Variants in DSCAM observed in about 807,000 individuals in gnomAD.
DSCAM encodes the protein cell adhesion molecule DSCAM.
In DSCAM, 47 loss-of-function variants were observed where a neutral mutation model predicts 217.7. The ratio of observed to expected loss-of-function variants is 0.22; its 90% CI spans 0.17 to 0.28. DSCAM has a LOEUF of 0.28. DSCAM is among the 10% of genes least tolerant of loss of function. DSCAM has a pLI of 1.00. For missense variants in DSCAM, 2,080 were observed against 2,618.3 expected (o/e 0.79, Z 4.49); for synonymous variants, 1,056 against 1,015.3 (o/e 1.04, Z -0.76).
chr21:40,446,473 T>A (rs947198120), intron 3 of DSCAM, among the ~76,000 whole-genome samples: 3 of 152,224 alleles, frequency 2.0e-5, no homozygotes, highest in African/African-American at 7.2e-5. Context: ...CCCCACTCAG[T>A]ATCCTTCCAG....
chr21:40,742,554 T>A (rs1354871592), intron 1 of DSCAM, among the ~76,000 whole-genome samples: 1 of 152,228 alleles, frequency 6.6e-6, no homozygotes, highest in Non-Finnish European at 1.5e-5. Flanking sequence ...AATAAATGTA[T>A]GTTGTTTTAA....
chr21:40,078,767 T>C lies in DSCAM; in HGVS notation c.4631A>G (p.Tyr1544Cys), dbSNP rs2089408220. Reference protein sequence around the residue: ...ILYDLQEATWYELQMRVCNSA... With the variant: ...ILYDLQEATWCELQMRVCNSA... ...GTTGCACACCCGCATCTGCAGCTCA[T>C]ACCAGGTGGCTTCCTGCAGGTCATA... Residue 1544 changes from tyrosine to cysteine, a missense_variant, in exon 26 of 33, where the codon TAT becomes TGT. Around this residue, in one of 5 missense-constraint regions of DSCAM, gnomAD observed 1,144 missense variants for 1,421.1 expected, o/e 0.81. Transcript: ENST00000400454. 6.2e-7 allele frequency: 1 copy of C among 1,614,218 alleles called. No individual in the cohort carries two copies. The highest frequency in any genetic ancestry group is 1.1e-5 in the South Asian group (1 of 91,088).
At chr21:40,588,840 G>T (rs989302406) in intron 3 of DSCAM, among the ~76,000 whole-genome samples, 1 of 152,024 alleles carries the variant, frequency 6.6e-6, no homozygotes, top group South Asian at 2.1e-4. Flanking sequence ...GTTGACAGAG[G>T]AAGAAAAAGA....
intron 10 of DSCAM, among the ~76,000 whole-genome samples, chr21:40,285,858 A>G (rs775840582): frequency 2.6e-5 from 4 of 152,180 alleles, no homozygotes; most frequent in African/African-American, 4.8e-5. Flanking sequence ...TTTGCATCTT[A>G]TCACCTAATT....
chr21:40,250,873 G>T (rs1241604107), intron 11 of DSCAM, among the ~76,000 whole-genome samples: 7 of 152,360 alleles, frequency 4.6e-5, no homozygotes, highest in African/African-American at 1.7e-4. Context: ...GCTGGGCTGG[G>T]TGCACATGTT....
At chr21:40,737,272 A>G (rs1440861238) in intron 1 of DSCAM, among the ~76,000 whole-genome samples, 1 of 152,224 alleles carries the variant, frequency 6.6e-6, no homozygotes, top group Non-Finnish European at 1.5e-5. Context: ...ATATATATAA[A>G]AAATAGAGAC....
intron 20 of DSCAM, 86 bp from the exon 21 acceptor site, chr21:40,093,960 A>AAAT: frequency 7.2e-7 from 1 of 1,395,218 alleles, no homozygotes; most frequent in Non-Finnish European, 9.7e-7. Flanking sequence ...TGAACATATT[A>AAAT]AATATCATAA....
At chr21:40,575,215 C>CA (rs2076839819) in intron 3 of DSCAM, among the ~76,000 whole-genome samples, 2 of 151,324 alleles carry the variant, frequency 1.3e-5, no homozygotes, top group African/African-American at 4.8e-5. Context: ...CTGTGACCCC[C>CA]ACTCCGGCCC....
chr21:40,243,357 A>G (rs371423734), intron 11 of DSCAM, among the ~76,000 whole-genome samples: 43 of 152,216 alleles, frequency 2.8e-4, no homozygotes, highest in African/African-American at 1.0e-3. Context: ...GCTTTGGTAA[A>G]AAAGCACAGA....
At chr21:40,547,811 C>T (rs954794349) in intron 3 of DSCAM, among the ~76,000 whole-genome samples, 4 of 152,164 alleles carry the variant, frequency 2.6e-5, no homozygotes, top group African/African-American at 9.7e-5. Flanking sequence ...AAACTCAGAA[C>T]GTCTCTGCCA....
intron 1 of DSCAM, among the ~76,000 whole-genome samples, chr21:40,780,153 G>A (rs1359106642): frequency 6.6e-6 from 1 of 152,122 alleles, no homozygotes; most frequent in Non-Finnish European, 1.5e-5. Context: ...CACACTGCTT[G>A]TAAATAGCAG....
chr21:40,494,194 C>T (rs1568851177), intron 3 of DSCAM, among the ~76,000 whole-genome samples: 1 of 152,126 alleles, frequency 6.6e-6, no homozygotes, highest in Non-Finnish European at 1.5e-5. Flanking sequence ...AAGTCCTTAC[C>T]TATTTACAAT....
intron 3 of DSCAM, among the ~76,000 whole-genome samples, chr21:40,370,518 T>A (rs961246985): frequency 1.6e-4 from 25 of 152,226 alleles, no homozygotes; most frequent in African/African-American, 6.0e-4. Flanking sequence ...GCTTCATTGC[T>A]TTTGAGCTTT....
At chr21:40,266,024 G>A (rs1247062798) in intron 11 of DSCAM, among the ~76,000 whole-genome samples, 1 of 152,102 alleles carries the variant, frequency 6.6e-6, no homozygotes, top group African/African-American at 2.4e-5. Context: ...TAATGAAAAA[G>A]CTTCTGCACA....
chr21:40,418,731 T>C (rs1374779902), intron 3 of DSCAM, among the ~76,000 whole-genome samples: 1 of 152,048 alleles, frequency 6.6e-6, no homozygotes, highest in Non-Finnish European at 1.5e-5. Context: ...GTGAATAAAC[T>C]GGATAGATAT....
chr21:40,162,767 A>G (rs1430219545), intron 16 of DSCAM, among the ~76,000 whole-genome samples: 1 of 152,192 alleles, frequency 6.6e-6, no homozygotes, highest in Non-Finnish European at 1.5e-5. Context: ...TTTCACGCAG[A>G]TAGTACAATA....
intron 12 of DSCAM, among the ~76,000 whole-genome samples, chr21:40,188,714 G>A (rs2090922096): frequency 6.6e-6 from 1 of 151,158 alleles, no homozygotes; most frequent in Non-Finnish European, 1.5e-5. Context: ...TTTGCAGGAA[G>A]TTAAAACATG....
chr21:40,720,437 T>G (rs898171513), intron 1 of DSCAM, among the ~76,000 whole-genome samples: 3 of 152,192 alleles, frequency 2.0e-5, no homozygotes, highest in African/African-American at 7.2e-5. Context: ...TTCCAAGGCT[T>G]CTATGAAGTG....
chr21:40,841,397 T>C (rs950496534), intron 1 of DSCAM, among the ~76,000 whole-genome samples: 1 of 152,198 alleles, frequency 6.6e-6, no homozygotes, highest in Non-Finnish European at 1.5e-5. Flanking sequence ...GCAAGGGAAA[T>C]GCAACTTTGA....
Sources: gnomAD v4.1 joint callset for allele counts (sites outside exome capture counted in the v4.1 genomes callset) on GRCh38, gnomAD v4.1.1 for gene constraint, gnomAD v4.1.1 regional missense constraint, MANE v1.5 for transcripts, NCBI Gene and HGNC (gene_info 2026-07-23, HGNC 2026-07-21) for gene names.